MACROD1: variants seen among roughly 807,000 people sequenced by gnomAD.
The protein encoded by MACROD1 is mono-ADP ribosylhydrolase 1.
Under a neutral mutation model 41.4 loss-of-function variants are expected in MACROD1, and 31 were observed. The observed-to-expected ratio is 0.75, with a 90% confidence interval of 0.56 to 1.01. The LOEUF is 1.01. Ranked by LOEUF, MACROD1 falls within the 50% of genes least tolerant of loss-of-function variation. MACROD1 has a pLI of 0.00. For missense variants in MACROD1, 473 were observed against 460.0 expected, an observed-to-expected ratio of 1.03 and a Z score of -0.26; for synonymous variants, 252 against 203.4, an observed-to-expected ratio of 1.24 and a Z score of -2.03.
chr11:64,003,614 C>T (rs1239900731), intron 4 of MACROD1, among the ~76,000 whole-genome samples: 1 of 152,170 alleles, frequency 6.6e-6, no homozygotes, highest in Non-Finnish European at 1.5e-5. Context: ...TGGGTAAGCA[C>T]CTGCGTGGTG....
At chr11:64,152,175 C>T (rs1945590034) in intron 2 of MACROD1, 117 bp downstream of exon 2, 1 of 766,054 alleles carries the variant, frequency 1.3e-6, no homozygotes, top group Non-Finnish European at 2.3e-6. Flanking sequence ...ACGCGGAGCA[C>T]CTGCCTGCAG....
rs201072770 is a variant in MACROD1 at position 64,110,555 on chromosome 11, AGCCAAGAATAAT to A, written c.517+40672_517+40683del. ...GTTGGCAGGGGACAACGACTGATAG[AGCCAAGAATAAT>A]GCCAAGAATAATGCCCCAGGGCCCC... On this transcript the variant is annotated intron_variant, in intron 3 of 10. Coordinates refer to ENST00000255681, the MANE Select transcript of MACROD1 (RefSeq NM_014067.4). Among the ~76,000 whole-genome samples the A allele has an allele frequency of 3.6e-3, 543 of 152,182 alleles. 7 individuals are homozygous for A. In the Middle Eastern group the frequency reaches 0.048, roughly 13 times the overall value.
intron 3 of MACROD1, among the ~76,000 whole-genome samples, chr11:64,091,570 C>T (rs1175399038): frequency 1.3e-5 from 2 of 152,068 alleles, no homozygotes; most frequent in Non-Finnish European, 2.9e-5. Context: ...GTCCTTCGGG[C>T]GTTTGCACAG....
At chr11:64,026,606 A>G (rs1943227050) in intron 3 of MACROD1, among the ~76,000 whole-genome samples, 1 of 152,202 alleles carries the variant, frequency 6.6e-6, no homozygotes, top group African/African-American at 2.4e-5. Context: ...AATATAAATT[A>G]GATCGTGTCA....
At chr11:64,013,663 C>T (rs369090788) in intron 4 of MACROD1, among the ~76,000 whole-genome samples, 1 of 152,140 alleles carries the variant, frequency 6.6e-6, no homozygotes, top group East Asian at 1.9e-4. Flanking sequence ...AGGCCCACCC[C>T]CTTTGTGATC....
chr11:64,073,222 C>T (rs891222712), intron 3 of MACROD1, among the ~76,000 whole-genome samples: 1 of 152,228 alleles, frequency 6.6e-6, no homozygotes, highest in Non-Finnish European at 1.5e-5. Context: ...ATCCGGCCAT[C>T]GGTTTCTTCA....
chr11:64,107,498 C>T (rs144460078), intron 3 of MACROD1, among the ~76,000 whole-genome samples: 95 of 152,318 alleles, frequency 6.2e-4, no homozygotes, highest in African/African-American at 2.1e-3. Context: ...GCCACCCAGC[C>T]GGCCTATGTG....
chr11:64,000,718 G>A (rs1942811014), intron 4 of MACROD1, among the ~76,000 whole-genome samples: 1 of 113,480 alleles, frequency 8.8e-6, no homozygotes, highest in Non-Finnish European at 1.9e-5. Context: ...CTTCCTCCCC[G>A]ACGCCCCTCC....
At position 64,040,378 on chromosome 11, in the gene MACROD1, G is replaced by A. The variant is rs927110671; in HGVS notation, c.518-25097C>T. Among the ~76,000 whole-genome samples, 10 of 152,156 alleles carry A rather than the reference G, an allele frequency of 6.6e-5. No individual in the cohort carries two copies. In the East Asian group the frequency reaches 1.7e-3, roughly 26 times the overall value. On this transcript the variant is annotated intron_variant, in intron 3 of 10. Transcript: ENST00000255681. The stretch of plus-strand genomic sequence containing the variant: ...CTGGAGGACAGGATGGATGGAGAGG[G>A]CTGCATGGAGACCCCCGGCAGGAGG...
At chr11:64,091,749 G>T (rs1472024952) in intron 3 of MACROD1, among the ~76,000 whole-genome samples, 1 of 152,164 alleles carries the variant, frequency 6.6e-6, no homozygotes. Flanking sequence ...GCACTGTCCT[G>T]TCCCCTCCAG....
intron 3 of MACROD1, among the ~76,000 whole-genome samples, chr11:64,137,278 CG>C (rs1231820037): frequency 6.6e-6 from 1 of 151,900 alleles, no homozygotes; most frequent in Admixed American, 6.6e-5. Flanking sequence ...AGGGCAGCGG[CG>C]GGGGGGTCTC....
intron 3 of MACROD1, among the ~76,000 whole-genome samples, chr11:64,058,969 C>T (rs1057004048): frequency 6.6e-6 from 1 of 152,204 alleles, no homozygotes; most frequent in Non-Finnish European, 1.5e-5. Context: ...CCATTTCCCC[C>T]TCTGCCCCTA....
At chr11:64,106,001 G>GTAGGAAAGTGAGGATCACC (rs1258970528) in intron 3 of MACROD1, among the ~76,000 whole-genome samples, 7 of 152,130 alleles carry the variant, frequency 4.6e-5, no homozygotes, top group Non-Finnish European at 1.0e-4. Flanking sequence ...AAGGCCCTCT[G>GTAGGAAAGTGAGGATCACC]TAGGAAAGTG....
rs1227745982 is a variant in MACROD1, at chr11:64,146,829, C to T, written c.517+4410G>A. The stretch of plus-strand genomic sequence containing the variant: ...CCACACACATAGGCCAAACTCCTGA[C>T]CTCACACACACACTCTATCACACAC... On this transcript the variant is annotated intron_variant, in intron 3 of 10. Coordinates refer to ENST00000255681, the MANE Select transcript of MACROD1 (RefSeq NM_014067.4). The surrounding 1 kb of genome is among the most constrained non-coding windows in gnomAD (Gnocchi z 4.7). Among the ~76,000 whole-genome samples the T allele has an allele frequency of 2.6e-5, 4 of 151,570 alleles. No individual in the cohort carries two copies. Among genetic ancestry groups the T allele is most frequent in the African/African-American group, 9.7e-5 (4 of 41,236 alleles).
Position 64,129,438 on chromosome 11 carries a change from C to T in MACROD1, c.517+21801G>A, listed in dbSNP as rs559698459. Among the ~76,000 whole-genome samples the T allele has an allele frequency of 1.9e-4, 29 of 152,322 alleles. No individual in the cohort carries two copies. The East Asian group carries it at 2.5e-3, about 13-fold the overall frequency. ...ACCCGCACCAACCCTACGGCTGTGA[C>T]GGAGCCTCTGTGAGAGGGCGTGGGA... On this transcript the variant is annotated intron_variant, in intron 3 of 10. Transcript: ENST00000255681.
At position 64,145,624 on chromosome 11, in the gene MACROD1, T is replaced by C. The variant is rs186517420; in HGVS notation, c.517+5615A>G. Among the ~76,000 whole-genome samples, 395 of 152,332 alleles carry C rather than the reference T, an allele frequency of 2.6e-3. 2 individuals carry two copies. The highest frequency in any genetic ancestry group is 4.8e-3 in the Non-Finnish European group (324 of 68,028). On this transcript the variant is annotated intron_variant, in intron 3 of 10. Transcript: ENST00000255681. Reference sequence around the variant, plus strand: ...TCCTGGCCACGGTGCGCACAGCCCATGCTCACTGCTCTGGGCTGGCATTGA... The same window carrying C: ...TCCTGGCCACGGTGCGCACAGCCCACGCTCACTGCTCTGGGCTGGCATTGA...
At chr11:64,128,450 G>T (rs1590949179) in intron 3 of MACROD1, among the ~76,000 whole-genome samples, 1 of 152,196 alleles carries the variant, frequency 6.6e-6, no homozygotes, top group African/African-American at 2.4e-5. Context: ...CCTAGCCTGG[G>T]TGGGGCTGGG....
At chr11:64,076,744 G>A (rs905797752) in intron 3 of MACROD1, among the ~76,000 whole-genome samples, 2 of 152,176 alleles carry the variant, frequency 1.3e-5, no homozygotes, top group African/African-American at 2.4e-5. Flanking sequence ...ACAACACTGC[G>A]ATGAGCATGT....
intron 3 of MACROD1, among the ~76,000 whole-genome samples, chr11:64,059,146 TTC>T (rs1943848941): frequency 6.6e-6 from 1 of 152,144 alleles, no homozygotes; most frequent in Non-Finnish European, 1.5e-5. Flanking sequence ...TCTCTTCCTC[TTC>T]TGTGTTTCCC....
Sources: gnomAD v4.1 joint callset for allele counts (sites outside exome capture counted in the v4.1 genomes callset) on GRCh38, gnomAD v4.1.1 for gene constraint, Gnocchi (gnomAD v3.1) non-coding constraint, MANE v1.5 for transcripts, NCBI Gene and HGNC (gene_info 2026-07-23, HGNC 2026-07-21) for gene names.